ZEB1: variants seen among roughly 807,000 people sequenced by gnomAD.
ZEB1 encodes the protein zinc finger E-box binding homeobox 1.
In ZEB1, 21 loss-of-function variants were observed where a neutral mutation model predicts 84.9. The observed-to-expected ratio is 0.25, with a 90% confidence interval of 0.18 to 0.36. ZEB1 has a LOEUF of 0.36. ZEB1 is among the 10% of genes least tolerant of loss of function. The pLI is 1.00. For missense variants in ZEB1, 1,104 were observed against 1,330.2 expected, an observed-to-expected ratio of 0.83 and a Z score of 2.65; for synonymous variants, 420 against 471.1, an observed-to-expected ratio of 0.89 and a Z score of 1.41.
chr10:31,336,133 C>T (rs2133406612), intron 1 of ZEB1, among the ~76,000 whole-genome samples: 1 of 152,166 alleles, frequency 6.6e-6, no homozygotes, highest in South Asian at 2.1e-4. Context: ...GCCATTTCTC[C>T]CCAATTTTAT....
At chr10:31,432,132 A>G (rs1382826509) in intron 1 of ZEB1, among the ~76,000 whole-genome samples, 2 of 152,236 alleles carry the variant, frequency 1.3e-5, no homozygotes, top group Non-Finnish European at 2.9e-5. Flanking sequence ...AACTACCTTC[A>G]GAATATAGTA....
chr10:31,409,703 G>A (rs772529713), intron 1 of ZEB1, among the ~76,000 whole-genome samples: 3 of 152,148 alleles, frequency 2.0e-5, no homozygotes, highest in Non-Finnish European at 2.9e-5. Context: ...GTGGTTTTTA[G>A]TTCTCCTTGA....
chr10:31,498,322 T>C (rs2067576592), intron 3 of ZEB1, among the ~76,000 whole-genome samples: 1 of 152,064 alleles, frequency 6.6e-6, no homozygotes, highest in African/African-American at 2.4e-5. Flanking sequence ...ATTTTATACC[T>C]GACACCTAAT....
chr10:31,420,460 T>C (rs1564797408), intron 1 of ZEB1, among the ~76,000 whole-genome samples: 1 of 152,126 alleles, frequency 6.6e-6, no homozygotes, highest in Non-Finnish European at 1.5e-5. Context: ...GTTCACAATA[T>C]GGCTCTTCAC....
At chr10:31,319,620 G>T (rs918608088) in intron 1 of ZEB1, 1 of 344,654 alleles carries the variant, frequency 2.9e-6, no homozygotes, top group Non-Finnish European at 5.2e-6. Context: ...CGGCCGGGAC[G>T]CACTGGCCAC....
At chr10:31,423,101 A>C (rs2056434528) in intron 1 of ZEB1, among the ~76,000 whole-genome samples, 1 of 151,984 alleles carries the variant, frequency 6.6e-6, no homozygotes, top group South Asian at 2.1e-4. Context: ...TTCATGTGAG[A>C]ATTCTTCCAA....
At chr10:31,384,428 G>A (rs1002022148) in intron 1 of ZEB1, among the ~76,000 whole-genome samples, 12 of 152,256 alleles carry the variant, frequency 7.9e-5, no homozygotes, top group African/African-American at 2.6e-4. Flanking sequence ...CTGTCTCCCC[G>A]GTTGAAGTTC....
chr10:31,420,722 G>T lies in ZEB1; in HGVS notation c.59-40315G>T, dbSNP rs1033502330. Among the ~76,000 whole-genome samples the T allele has an allele frequency of 2.0e-5, 3 of 152,126 alleles. No individual in the cohort carries two copies. In the East Asian group the frequency reaches 5.8e-4, roughly 29 times the overall value. On this transcript the variant is annotated intron_variant, in intron 1 of 8. Coordinates refer to ENST00000424869, the MANE Select transcript of ZEB1 (RefSeq NM_001174096.2). Reference sequence around the variant, plus strand: ...GTCCTACTTATACTCAAGGGAAGGGGATGATAGAAGACCATGGATCATTGG... The same window carrying T: ...GTCCTACTTATACTCAAGGGAAGGGTATGATAGAAGACCATGGATCATTGG...
chr10:31,322,971 C>A (rs2034520036), intron 1 of ZEB1, among the ~76,000 whole-genome samples: 1 of 152,062 alleles, frequency 6.6e-6, no homozygotes, highest in Non-Finnish European at 1.5e-5. Context: ...CAGTATAATT[C>A]TGAGTCTTAT....
intron 1 of ZEB1, among the ~76,000 whole-genome samples, chr10:31,382,725 A>G (rs1470946682): frequency 6.6e-6 from 1 of 152,206 alleles, no homozygotes; most frequent in East Asian, 1.9e-4. Flanking sequence ...CCAAAATATT[A>G]TGATTAAAAG....
intron 2 of ZEB1, among the ~76,000 whole-genome samples, chr10:31,486,223 GT>G (rs919748994): frequency 6.6e-6 from 1 of 151,660 alleles, no homozygotes; most frequent in African/African-American, 2.4e-5. Context: ...GTGAAGTTAA[GT>G]TTTCATTTCT....
At chr10:31,424,257 G>T (rs1012868478) in intron 1 of ZEB1, among the ~76,000 whole-genome samples, 1 of 151,830 alleles carries the variant, frequency 6.6e-6, no homozygotes, top group African/African-American at 2.4e-5. Flanking sequence ...TTGCAGACTA[G>T]TCTTTTCATC....
chr10:31,394,557 C>CACCAAGGGAGACCTCTTGCCT (rs1326071035), intron 1 of ZEB1, among the ~76,000 whole-genome samples: 3 of 152,182 alleles, frequency 2.0e-5, no homozygotes, highest in Non-Finnish European at 4.4e-5. Flanking sequence ...GTCTCTTGCC[C>CACCAAGGGAGACCTCTTGCCT]ACCAAGGGAG....
intron 1 of ZEB1, among the ~76,000 whole-genome samples, chr10:31,458,884 A>G (rs1223150122): frequency 1.3e-5 from 2 of 152,138 alleles, no homozygotes; most frequent in East Asian, 1.9e-4. Flanking sequence ...AGCTTTATGT[A>G]TATAGATGCC....
At chr10:31,383,177 G>T (rs1410993359) in intron 1 of ZEB1, among the ~76,000 whole-genome samples, 1 of 151,966 alleles carries the variant, frequency 6.6e-6, no homozygotes, top group Non-Finnish European at 1.5e-5. Context: ...TATTTTTGGA[G>T]ACTATAGAAC....
intron 1 of ZEB1, among the ~76,000 whole-genome samples, chr10:31,410,926 A>G (rs990390886): frequency 6.6e-6 from 1 of 151,956 alleles, no homozygotes; most frequent in African/African-American, 2.4e-5. Context: ...CTATTTTGTT[A>G]ATCTTTTCAA....
intron 2 of ZEB1, among the ~76,000 whole-genome samples, chr10:31,473,083 C>G (rs1302179491): frequency 6.7e-6 from 1 of 149,450 alleles, no homozygotes; most frequent in Non-Finnish European, 1.5e-5. Flanking sequence ...CTATCTATGA[C>G]AGACCCACAG....
At chr10:31,325,897 C>G (rs1480381271) in intron 1 of ZEB1, among the ~76,000 whole-genome samples, 1 of 150,074 alleles carries the variant, frequency 6.7e-6, no homozygotes, top group African/African-American at 2.5e-5. Flanking sequence ...AAAATATATT[C>G]TGATTTCCCT....
chr10:31,330,887 A>G (rs2036593811), intron 1 of ZEB1, among the ~76,000 whole-genome samples: 1 of 151,734 alleles, frequency 6.6e-6, no homozygotes, highest in African/African-American at 2.4e-5. Flanking sequence ...AATTCGTTAT[A>G]AGTAACCTGT....
Sources: allele counts gnomAD v4.1 joint callset (sites outside exome capture counted in the v4.1 genomes callset), GRCh38; gene constraint gnomAD v4.1.1; transcripts MANE v1.5; gene names NCBI Gene and HGNC (gene_info 2026-07-23, HGNC 2026-07-21).